The following GRM5 variants were observed in gnomAD, a reference collection of about 807,000 sequenced individuals.
GRM5 encodes the protein metabotropic glutamate receptor 5.
In GRM5, 19 loss-of-function variants were observed where a neutral mutation model predicts 83.1. The ratio of observed to expected loss-of-function variants is 0.23; its 90% CI spans 0.16 to 0.34. The LOEUF (loss-of-function observed/expected upper bound fraction) is 0.34, where lower values mean the gene tolerates loss of function less well. Among genes scored for constraint, GRM5 ranks in the 10% least tolerant of loss-of-function variants. The pLI is 1.00. For synonymous variants in GRM5, 675 were observed against 633.6 expected (o/e 1.07, Z -0.98); for missense variants, 1,160 against 1,588.3 (o/e 0.73, Z 4.58).
intron 4 of GRM5, among the ~76,000 whole-genome samples, chr11:88,635,438 T>C (rs959664416): frequency 2.6e-5 from 4 of 152,234 alleles, no homozygotes; most frequent in African/African-American, 9.6e-5. Flanking sequence ...TTAAGCACTT[T>C]TCATATATCT....
In GRM5 at chr11:88,567,418, G is replaced by A; in HGVS notation, c.2265C>T (p.Thr755=). Residue 755 remains threonine, a synonymous_variant, in exon 8 of 10, where the codon ACC becomes ACT. Transcript: ENST00000305447. The surrounding 1 kb of genome is among the most constrained non-coding windows in gnomAD (Gnocchi z 7.3). The part of the protein sequence containing the change: ...GYNGLLILSC[T]FYAFKTRNVP... Reference sequence around the variant, plus strand: ...CATTTCTGGTCTTGAACGCATAGAAGGTGCAGCTCAAAATCAACAATCCAT... The same window carrying A: ...CATTTCTGGTCTTGAACGCATAGAAAGTGCAGCTCAAAATCAACAATCCAT... 2 of 1,613,968 alleles carry A rather than the reference G, an allele frequency of 1.2e-6. No homozygotes were observed. Among genetic ancestry groups the A allele is most frequent in the South Asian group, 2.2e-5 (2 of 91,080 alleles).
intron 3 of GRM5, among the ~76,000 whole-genome samples, chr11:88,698,283 C>G (rs1940947082): frequency 6.6e-6 from 1 of 152,182 alleles, no homozygotes; most frequent in Non-Finnish European, 1.5e-5. Context: ...TTTGGTCTCT[C>G]TATTCCAGCT....
chr11:88,549,280 C>G (rs1321345199), intron 8 of GRM5, among the ~76,000 whole-genome samples: 1 of 151,858 alleles, frequency 6.6e-6, no homozygotes, highest in Non-Finnish European at 1.5e-5. Flanking sequence ...GTGGGGGCAA[C>G]ATGGTAATAC....
chr11:88,556,520 A>T (rs1335040056), intron 8 of GRM5, among the ~76,000 whole-genome samples: 1 of 151,702 alleles, frequency 6.6e-6, no homozygotes, highest in Non-Finnish European at 1.5e-5. Context: ...ACAGGGTTTC[A>T]CCATGTTGGT....
chr11:88,863,462 G>C (rs904222356), intron 2 of GRM5, among the ~76,000 whole-genome samples: 4 of 151,970 alleles, frequency 2.6e-5, no homozygotes, highest in Non-Finnish European at 4.4e-5. Flanking sequence ...TCCTTTGCAG[G>C]GACATGGACT....
At chr11:88,530,000 AT>A (rs368314020) in intron 8 of GRM5, among the ~76,000 whole-genome samples, 76 of 152,156 alleles carry the variant, frequency 5.0e-4, no homozygotes, top group African/African-American at 1.7e-3. Context: ...ACACATGAGT[AT>A]AAACATTTGG....
intron 2 of GRM5, among the ~76,000 whole-genome samples, chr11:88,937,381 C>T (rs1937937732): frequency 6.6e-6 from 1 of 151,604 alleles, no homozygotes; most frequent in Non-Finnish European, 1.5e-5. Flanking sequence ...TACTTGTCTT[C>T]TTTCAACATT....
intron 3 of GRM5, among the ~76,000 whole-genome samples, chr11:88,787,499 G>C (rs1943096255): frequency 6.6e-6 from 1 of 151,922 alleles, no homozygotes; most frequent in Admixed American, 6.6e-5. Flanking sequence ...TTTTAATTGG[G>C]GAAATGGCAT....
intron 2 of GRM5, among the ~76,000 whole-genome samples, chr11:89,041,596 T>C (rs1434174202): frequency 6.6e-6 from 1 of 152,194 alleles, no homozygotes; most frequent in Non-Finnish European, 1.5e-5. Context: ...TTAGAAATTA[T>C]TTACTGAGTC....
At chr11:88,781,706 G>C (rs1031244114) in intron 3 of GRM5, among the ~76,000 whole-genome samples, 3 of 152,192 alleles carry the variant, frequency 2.0e-5, no homozygotes, top group African/African-American at 7.2e-5. Context: ...TGCTAAGCAT[G>C]AACAAAGCAG....
chr11:88,844,428 C>T (rs1465250899), intron 3 of GRM5, among the ~76,000 whole-genome samples: 1 of 151,450 alleles, frequency 6.6e-6, no homozygotes, highest in African/African-American at 2.4e-5. Flanking sequence ...AATACTACTG[C>T]TAATAATTGA....
intron 7 of GRM5, among the ~76,000 whole-genome samples, chr11:88,574,985 C>CTTTCTT (rs1555071684): frequency 7.7e-5 from 9 of 116,158 alleles, no homozygotes; most frequent in African/African-American, 2.3e-4. Context: ...CTTTTCTTTT[C>CTTTCTT]TTTTTTTTTT....
intron 2 of GRM5, among the ~76,000 whole-genome samples, chr11:88,993,829 C>A (rs1238867601): frequency 2.6e-5 from 4 of 152,042 alleles, no homozygotes; most frequent in Non-Finnish European, 5.9e-5. Flanking sequence ...TGAAGTGATC[C>A]TCTCACCTTA....
intron 2 of GRM5, among the ~76,000 whole-genome samples, chr11:88,914,007 C>T (rs1223466891): frequency 6.6e-6 from 1 of 152,132 alleles, no homozygotes; most frequent in African/African-American, 2.4e-5. Flanking sequence ...ATATGCATTC[C>T]TTTCGTAGAA....
chr11:88,806,485 G>A (rs1363907741), intron 3 of GRM5, among the ~76,000 whole-genome samples: 1 of 152,022 alleles, frequency 6.6e-6, no homozygotes, highest in Non-Finnish European at 1.5e-5. Flanking sequence ...AAATGAGTTC[G>A]AATTCCTTTG....
At chr11:88,974,852 A>G (rs1174427046) in intron 2 of GRM5, among the ~76,000 whole-genome samples, 1 of 152,210 alleles carries the variant, frequency 6.6e-6, no homozygotes, top group Non-Finnish European at 1.5e-5. Context: ...GAAAAATAGG[A>G]AAGACAAAAC....
chr11:88,994,559 G>A (rs866222382), intron 2 of GRM5, among the ~76,000 whole-genome samples: 1 of 132,722 alleles, frequency 7.5e-6, no homozygotes, highest in Non-Finnish European at 1.6e-5. Flanking sequence ...CTTGGAGACA[G>A]CAGAGTTAGC....
intron 2 of GRM5, among the ~76,000 whole-genome samples, chr11:89,032,595 C>G (rs929199678): frequency 6.6e-6 from 1 of 151,900 alleles, no homozygotes; most frequent in African/African-American, 2.4e-5. Context: ...ATTTTTGAAC[C>G]CTTATTGTGT....
At chr11:89,044,939 G>C (rs1005055386) in intron 2 of GRM5, among the ~76,000 whole-genome samples, 1 of 151,718 alleles carries the variant, frequency 6.6e-6, no homozygotes, top group Non-Finnish European at 1.5e-5. Context: ...TGATCCTGGA[G>C]GTGAGTTTCA....
Sources: allele counts gnomAD v4.1 joint callset (sites outside exome capture counted in the v4.1 genomes callset), GRCh38; gene constraint gnomAD v4.1.1; non-coding constraint Gnocchi (gnomAD v3.1); transcripts MANE v1.5; gene names NCBI Gene and HGNC (gene_info 2026-07-23, HGNC 2026-07-21).